The following TMEM178B variants were observed in gnomAD, a reference collection of about 807,000 sequenced individuals.
TMEM178B encodes transmembrane protein 178B.
Under a neutral mutation model 31.0 loss-of-function variants are expected in TMEM178B, and 5 were observed. That is an observed-to-expected ratio of 0.16 (90% confidence interval 0.08 to 0.34). TMEM178B has a LOEUF of 0.34. TMEM178B is among the 10% of genes least tolerant of loss of function. The probability of loss-of-function intolerance (pLI) is 1.00; values close to 1 mark genes in which losing one functional copy is unlikely to be tolerated. For missense variants in TMEM178B, 275 were observed against 400.3 expected, an observed-to-expected ratio of 0.69 and a Z score of 2.67; for synonymous variants, 164 against 164.0, an observed-to-expected ratio of 1.00 and a Z score of 0.00.
At chr7:141,093,048 C>T (rs999793376) in intron 1 of TMEM178B, among the ~76,000 whole-genome samples, 7 of 152,066 alleles carry the variant, frequency 4.6e-5, no homozygotes, top group Non-Finnish European at 8.8e-5. Context: ...ATCCATGTTA[C>T]GTAGTGTTTG....
At chr7:141,257,105 G>T (rs1474659362) in intron 2 of TMEM178B, among the ~76,000 whole-genome samples, 1 of 152,178 alleles carries the variant, frequency 6.6e-6, no homozygotes. Context: ...CAAGAAAGGA[G>T]ACTAAAAAGG....
chr7:141,238,044 A>G (rs1398872566), intron 2 of TMEM178B, among the ~76,000 whole-genome samples: 8 of 149,824 alleles, frequency 5.3e-5, no homozygotes, highest in South Asian at 2.1e-4. Context: ...AAAAAAAAGG[A>G]AATTAAGGAC....
intron 1 of TMEM178B, among the ~76,000 whole-genome samples, chr7:141,192,434 G>A (rs1796711532): frequency 6.6e-6 from 1 of 152,130 alleles, no homozygotes; most frequent in East Asian, 1.9e-4. Context: ...CTAACTGGGA[G>A]CTGCTACAAC....
rs1342916314 is a variant in TMEM178B at position 141,473,364 on chromosome 7, A to T, written c.*2578A>T. 6.6e-6 allele frequency: 1 copy of T among 152,176 alleles called. No individual in the cohort carries two copies. Among genetic ancestry groups the T allele is most frequent in the Non-Finnish European group, 1.5e-5 (1 of 68,028 alleles). 9.4% of individuals were successfully genotyped at this position (152,176 alleles called of 1,614,324 possible). A position where few individuals can be genotyped will look rare whatever the true frequency, so the allele number is the denominator to read the frequency against. On this transcript the variant is annotated 3_prime_UTR_variant, in exon 4 of 4. Transcript: ENST00000565468. Reference sequence around the variant, plus strand: ...AGGGCTTGTCTATGACCACACTGAAATTCCAGCTTTTTTCCAGTTGCAGGA... The same window carrying T: ...AGGGCTTGTCTATGACCACACTGAATTTCCAGCTTTTTTCCAGTTGCAGGA...
Position 141,090,212 on chromosome 7 carries a change from G to A in TMEM178B, c.382+15520G>A, listed in dbSNP as rs567718028. Among the ~76,000 whole-genome samples, 23 of 152,176 alleles carry A rather than the reference G, an allele frequency of 1.5e-4. No individual in the cohort carries two copies. In the East Asian group the frequency reaches 2.9e-3, roughly 19 times the overall value. On this transcript the variant is annotated intron_variant, in intron 1 of 3. Transcript: ENST00000565468. ...AAAAAAATTTAATTTTAGAGACAGGGTCTCACTCTGTGGCCCCGGCTGGAG... is the reference window on the plus strand; with the variant it reads ...AAAAAAATTTAATTTTAGAGACAGGATCTCACTCTGTGGCCCCGGCTGGAG...
intron 2 of TMEM178B, among the ~76,000 whole-genome samples, chr7:141,420,603 TAACA>T (rs1801188413): frequency 6.6e-6 from 1 of 152,110 alleles, no homozygotes; most frequent in Non-Finnish European, 1.5e-5. Context: ...TACAGGTTAC[TAACA>T]AGCATCTCCT....
intron 1 of TMEM178B, among the ~76,000 whole-genome samples, chr7:141,160,707 G>T (rs150610544): frequency 6.6e-6 from 1 of 152,268 alleles, no homozygotes; most frequent in Non-Finnish European, 1.5e-5. Context: ...CTTATGGTGG[G>T]TCTGAGTCAC....
intron 2 of TMEM178B, among the ~76,000 whole-genome samples, chr7:141,396,060 C>T (rs989105006): frequency 6.6e-6 from 1 of 152,034 alleles, no homozygotes; most frequent in Non-Finnish European, 1.5e-5. Flanking sequence ...TCTGGCCATG[C>T]CCTGAGAGAG....
the TMEM178B span, among the ~76,000 whole-genome samples, chr7:141,493,845 A>G: frequency 6.6e-6 from 1 of 152,214 alleles, no homozygotes; most frequent in Non-Finnish European, 1.5e-5. Flanking sequence ...AATTGCTGCC[A>G]ATACAAATTC....
At chr7:141,470,105 A>G (rs1373412547) in intron 3 of TMEM178B, among the ~76,000 whole-genome samples, 1 of 152,252 alleles carries the variant, frequency 6.6e-6, no homozygotes, top group Non-Finnish European at 1.5e-5. Context: ...ATGTATAAGA[A>G]AGAGAAAAGA....
chr7:141,290,528 TACACATGTGCACAC>T (rs1798527186), intron 2 of TMEM178B, among the ~76,000 whole-genome samples: 1 of 84,246 alleles, frequency 1.2e-5, no homozygotes, highest in Non-Finnish European at 4.0e-5. Context: ...TTCACACACA[TACACATGTGCACAC>T]ACACATACAC....
At position 141,074,696 on chromosome 7, in the gene TMEM178B, A is replaced by G. The variant is rs1364634904; in HGVS notation, c.382+4A>G. The G allele has an allele frequency of 6.7e-7, 1 of 1,482,694 alleles. No individual in the cohort carries two copies. 91.8% of individuals were successfully genotyped at this position (1,482,694 alleles called of 1,614,324 possible). ...ATCGCCGCCCTCATTCGGAAAGGTA[A>G]GCGCCGGGCGCAAGGCGTGGCGCTG... On this transcript the variant is annotated splice_donor_region_variant and intron_variant, in intron 1 of 3. Coordinates refer to ENST00000565468, the MANE Select transcript of TMEM178B (RefSeq NM_001195278.2). The surrounding 1 kb of genome is among the most constrained non-coding windows in gnomAD (Gnocchi z 5.1).
intron 2 of TMEM178B, among the ~76,000 whole-genome samples, chr7:141,244,645 A>G (rs1459099266): frequency 6.6e-6 from 1 of 152,224 alleles, no homozygotes; most frequent in Non-Finnish European, 1.5e-5. Flanking sequence ...TGATGATGAC[A>G]GGTCCGGCTG....
At chr7:141,075,524 G>T (rs1794587706) in intron 1 of TMEM178B, among the ~76,000 whole-genome samples, 1 of 152,166 alleles carries the variant, frequency 6.6e-6, no homozygotes, top group African/African-American at 2.4e-5. Context: ...AAAAAATTCT[G>T]CTTATCGGAT....
chr7:141,319,576 G>C (rs528436507), intron 2 of TMEM178B, among the ~76,000 whole-genome samples: 1 of 151,708 alleles, frequency 6.6e-6, no homozygotes, highest in African/African-American at 2.4e-5. Flanking sequence ...TTTTTGAGAC[G>C]GAGTCTCACT....
At chr7:141,193,497 T>C (rs1391746321) in intron 1 of TMEM178B, among the ~76,000 whole-genome samples, 1 of 152,200 alleles carries the variant, frequency 6.6e-6, no homozygotes, top group East Asian at 1.9e-4. Context: ...TCTGGATGCC[T>C]GGGGTCCCAG....
intron 1 of TMEM178B, among the ~76,000 whole-genome samples, chr7:141,130,785 A>G (rs1383696984): frequency 6.6e-6 from 1 of 152,202 alleles, no homozygotes; most frequent in Admixed American, 6.5e-5. Context: ...GTAATTAACT[A>G]AATGCTCTAT....
At chr7:141,130,171 C>T (rs147453311) in intron 1 of TMEM178B, among the ~76,000 whole-genome samples, 208 of 152,242 alleles carry the variant, frequency 1.4e-3, no homozygotes, top group Middle Eastern at 6.8e-3. Flanking sequence ...TTTTCCCCCA[C>T]GAAGAACGGC....
chr7:141,438,847 A>G lies in TMEM178B; in HGVS notation c.634+1102A>G, dbSNP rs796141922. 8.8e-5 allele frequency among the ~76,000 whole-genome samples: 13 copies of G among 147,040 alleles called. 1 individual carries two copies. Among genetic ancestry groups the G allele is most frequent in the African/African-American group, 3.2e-4 (13 of 40,034 alleles). ...GCCAAGATCGTGCCACTGCACTCCAACCTTGGTGATAGAGCAAGATTCCGT... is the reference window on the plus strand; with the variant it reads ...GCCAAGATCGTGCCACTGCACTCCAGCCTTGGTGATAGAGCAAGATTCCGT... On this transcript the variant is annotated intron_variant, in intron 3 of 3. Transcript: ENST00000565468.
Sources: allele counts gnomAD v4.1 joint callset (sites outside exome capture counted in the v4.1 genomes callset), GRCh38; gene constraint gnomAD v4.1.1; non-coding constraint Gnocchi (gnomAD v3.1); transcripts MANE v1.5; gene names NCBI Gene and HGNC (gene_info 2026-07-23, HGNC 2026-07-21).